AADACL4: variants seen among roughly 807,000 people sequenced by gnomAD.
AADACL4 encodes the protein arylacetamide deacetylase-like 4.
A neutral mutation model predicts 14.1 loss-of-function variants in AADACL4; 9 were observed. That is an observed-to-expected ratio of 0.64 (90% CI 0.39 to 1.12). The LOEUF (loss-of-function observed/expected upper bound fraction) is 1.12. Among genes scored for constraint, AADACL4 ranks in the 50% most tolerant of loss-of-function variants. The pLI, the probability that AADACL4 is intolerant of heterozygous loss-of-function variation, is 0.01. For missense variants in AADACL4, 531 were observed against 516.1 expected, an observed-to-expected ratio of 1.03 and a Z score of -0.28; for synonymous variants, 188 against 201.6, an observed-to-expected ratio of 0.93 and a Z score of 0.57.
chr1:12,664,921 C>T (rs1479299449), intron 3 of AADACL4, among the ~76,000 whole-genome samples: 2 of 152,150 alleles, frequency 1.3e-5, no homozygotes, highest in Admixed American at 6.5e-5. Context: ...ACTTCGGAAG[C>T]CAAACCTCAG....
Position 12,658,133 on chromosome 1 carries a change from TTCCTTC to T in AADACL4, c.386-3657_386-3652del, listed in dbSNP as rs1647196354. Among the ~76,000 whole-genome samples, 53 of 134,054 alleles carry T rather than the reference TTCCTTC, an allele frequency of 4.0e-4. 2 individuals are homozygous for T. Among genetic ancestry groups the T allele is most frequent in the African/African-American group, 1.0e-3 (30 of 28,772 alleles). 87.9% of individuals were successfully genotyped at this position (134,054 alleles called of 152,430 possible). A position where few individuals can be genotyped will look rare whatever the true frequency, so the allele number is the denominator to read the frequency against. ...TTTCCTTCCTTCCTTCCTTCCTTCC[TTCCTTC>T]CTTTCTTTCTTTCTTTCTTTCTTTC... On this transcript the variant is annotated intron_variant, in intron 2 of 3. Transcript: ENST00000376221.
At chr1:12,655,165 A>G (rs1273789231) in intron 2 of AADACL4, among the ~76,000 whole-genome samples, 1 of 152,208 alleles carries the variant, frequency 6.6e-6, no homozygotes, top group African/African-American at 2.4e-5. Context: ...TATACTATAT[A>G]TATGGTCCTA....
chr1:12,665,612 C>A (rs1242727433), intron 3 of AADACL4, among the ~76,000 whole-genome samples: 1 of 152,204 alleles, frequency 6.6e-6, no homozygotes, highest in Admixed American at 6.5e-5. Context: ...TCTCTACAGA[C>A]AAACAGTGGG....
chr1:12,666,802 T>C lies in AADACL4; in HGVS notation c.*67T>C, dbSNP rs571019718. The C allele has an allele frequency of 6.9e-6, 10 of 1,458,014 alleles. No homozygotes were observed. The African/African-American group carries it at 1.1e-4, about 16-fold the overall frequency. 90.3% of individuals were successfully genotyped at this position (1,458,014 alleles called of 1,614,324 possible). A position where few individuals can be genotyped will look rare whatever the true frequency, so the allele number is the denominator to read the frequency against. ...CTCTACCAGAAACCGGGTGCTTTAG[T>C]GAGTTCTATTTTATTGACTAAAGAG... On this transcript the variant is annotated 3_prime_UTR_variant, in exon 4 of 4. Coordinates refer to ENST00000376221, the MANE Select transcript of AADACL4 (RefSeq NM_001013630.2).
chr1:12,651,947 G>C (rs1487564110), intron 2 of AADACL4, among the ~76,000 whole-genome samples: 1 of 150,900 alleles, frequency 6.6e-6, no homozygotes. Flanking sequence ...TCCTGCCTCA[G>C]CCTCCCAAGT....
intron 3 of AADACL4, among the ~76,000 whole-genome samples, chr1:12,665,410 A>G (rs1647300349): frequency 6.6e-6 from 1 of 152,130 alleles, no homozygotes; most frequent in Non-Finnish European, 1.5e-5. Flanking sequence ...TTTGTTTAGT[A>G]GAGACGGGGT....
chr1:12,655,179 T>C (rs1257384464), intron 2 of AADACL4, among the ~76,000 whole-genome samples: 1 of 152,196 alleles, frequency 6.6e-6, no homozygotes, highest in Non-Finnish European at 1.5e-5. Flanking sequence ...GGTCCTAGCC[T>C]GCAGTTCAGG....
rs1429565053 is a variant in AADACL4, at chr1:12,644,220, C to T, written c.-327C>T. 1.3e-5 allele frequency among the ~76,000 whole-genome samples: 2 copies of T among 152,178 alleles called. No homozygotes were observed. The highest frequency in any genetic ancestry group is 4.8e-5 in the African/African-American group (2 of 41,444). On this transcript the variant is annotated 5_prime_UTR_variant, in exon 1 of 4. Transcript: ENST00000376221. ...GAGGCCTATATAACCCATATGAGAT[C>T]TCTTTCTAGGGTTCCCAGGAGCCGA...
At chr1:12,648,472 C>T (rs558412662) in intron 1 of AADACL4, among the ~76,000 whole-genome samples, 2 of 151,802 alleles carry the variant, frequency 1.3e-5, no homozygotes, top group East Asian at 3.9e-4. Flanking sequence ...TCTTGGCTCA[C>T]TGCAACCGCC....
At chr1:12,650,775 TC>T (rs2100759524) in intron 1 of AADACL4, among the ~76,000 whole-genome samples, 1 of 152,222 alleles carries the variant, frequency 6.6e-6, no homozygotes, top group Non-Finnish European at 1.5e-5. Flanking sequence ...TCATGAGCCG[TC>T]CACCTCGGCC....
intron 1 of AADACL4, among the ~76,000 whole-genome samples, chr1:12,650,142 G>A (rs916285215): frequency 6.6e-6 from 1 of 152,140 alleles, no homozygotes. Context: ...ATCATTCCTT[G>A]CTGTTTTCCT....
At chr1:12,663,465 T>C (rs897830333) in intron 3 of AADACL4, among the ~76,000 whole-genome samples, 1 of 152,184 alleles carries the variant, frequency 6.6e-6, no homozygotes, top group East Asian at 1.9e-4. Flanking sequence ...AGGGCACTAA[T>C]CCCATTCATG....
chr1:12,648,388 C>CCTTCCTTCCTTCCTTT lies in AADACL4; in HGVS notation c.169-2732_169-2731insCCTTCCTTCCTTTCTT, dbSNP rs1487579652. 1.9e-3 allele frequency among the ~76,000 whole-genome samples: 284 copies of CCTTCCTTCCTTCCTTT among 146,820 alleles called. 4 individuals are homozygous for CCTTCCTTCCTTCCTTT. Among genetic ancestry groups the CCTTCCTTCCTTCCTTT allele is most frequent in the African/African-American group, 6.9e-3 (266 of 38,506 alleles). On this transcript the variant is annotated intron_variant, in intron 1 of 3. Coordinates refer to ENST00000376221, the MANE Select transcript of AADACL4 (RefSeq NM_001013630.2). Reference sequence around the variant, plus strand: ...TCCTTCCTTCCTTCCTTCCTTCCTTCCTTTCTTTCCTTCTTTCCTTTTTTT... The same window carrying CCTTCCTTCCTTCCTTT: ...TCCTTCCTTCCTTCCTTCCTTCCTTCCTTCCTTCCTTCCTTTCTTTCTTTCCTTCTTTCCTTTTTTT...
intron 2 of AADACL4, among the ~76,000 whole-genome samples, chr1:12,660,664 G>A (rs548574905): frequency 6.6e-5 from 10 of 151,970 alleles, no homozygotes; most frequent in Non-Finnish European, 1.5e-4. Flanking sequence ...TTTTTTTTGA[G>A]ATGGAGTCTT....
At chr1:12,665,734 AAGC>A (rs1288963858) in intron 3 of AADACL4, among the ~76,000 whole-genome samples, 1 of 152,166 alleles carries the variant, frequency 6.6e-6, no homozygotes, top group African/African-American at 2.4e-5. Context: ...AGTTTACGGG[AAGC>A]TGACAGAGCA....
At chr1:12,657,336 A>C (rs776143488) in intron 2 of AADACL4, among the ~76,000 whole-genome samples, 6 of 152,054 alleles carry the variant, frequency 3.9e-5, no homozygotes, top group African/African-American at 7.2e-5. Flanking sequence ...AGAGAACAAG[A>C]GGACTCAAAC....
In AADACL4 at chr1:12,666,059, A is replaced by G; in HGVS notation, c.548A>G (p.Asp183Gly). 1 of 1,614,018 alleles carries G rather than the reference A, an allele frequency of 6.2e-7. No homozygotes were observed. Residue 183 changes from aspartate to glycine, a missense_variant, in exon 4 of 4, where the codon GAC becomes GGC. Physicochemically the swap from Asp to Gly is moderately conservative, Grantham distance 94 (BLOSUM62 -1). Coordinates refer to ENST00000376221, the MANE Select transcript of AADACL4 (RefSeq NM_001013630.2). ...AAGGCCCTGGAAACCTATGGGGTGG[A>G]CCCCTCCAGGGTTGTGGTCTGTGGA... ...FLKALETYGV[D>G]PSRVVVCGES...
At position 12,651,310 on chromosome 1, in the gene AADACL4, A is replaced by G. The variant is rs1382967357; in HGVS notation, c.356A>G (p.His119Arg). The G allele has an allele frequency of 1.2e-6, 2 of 1,614,036 alleles. No homozygotes were observed. The highest frequency in any genetic ancestry group is 1.7e-6 in the Non-Finnish European group (2 of 1,180,044). Residue 119 changes from histidine to arginine, a missense_variant, in exon 2 of 4, where the codon CAT (histidine) becomes CGT (arginine). Transcript: ENST00000376221. Reference sequence around the variant, plus strand: ...CCCCGGCGAGGCATCATCTTCTACCATGGAGGGGCCACAGTATTTGGGAGC... The same window carrying G: ...CCCCGGCGAGGCATCATCTTCTACCGTGGAGGGGCCACAGTATTTGGGAGC... Reference protein sequence around the residue: ...SRPRRGIIFYHGGATVFGSLD... With the variant: ...SRPRRGIIFYRGGATVFGSLD...
In AADACL4 at chr1:12,646,803, G is replaced by A. The variant is rs140646551; in HGVS notation, c.168+2089G>A. Among the ~76,000 whole-genome samples, 59 of 152,284 alleles carry A rather than the reference G, an allele frequency of 3.9e-4. 1 individual carries two copies. Among genetic ancestry groups the A allele is most frequent in the African/African-American group, 1.3e-3 (54 of 41,560 alleles). On this transcript the variant is annotated intron_variant, in intron 1 of 3. Transcript: ENST00000376221. ...GATTCAGCTTGTGGCGTCCTCTCTC[G>A]ATCCCTCCGGCACTGGGGCCTCCCA...
Sources: gnomAD v4.1 joint callset for allele counts (sites outside exome capture counted in the v4.1 genomes callset) on GRCh38, gnomAD v4.1.1 for gene constraint, MANE v1.5 for transcripts, NCBI Gene and HGNC (gene_info 2026-07-23, HGNC 2026-07-21) for gene names.